Variants in SUFU observed in about 807,000 individuals in gnomAD.
SUFU encodes suppressor of fused homolog.
SUFU carries 7 observed loss-of-function variants against 58.9 expected under a neutral mutation model. The ratio of observed to expected loss-of-function variants is 0.12; its 90% confidence interval spans 0.07 to 0.22. The LOEUF is 0.22. SUFU is among the 10% of genes least tolerant of loss of function. The pLI is 1.00. For missense variants in SUFU, 451 were observed against 641.3 expected, an observed-to-expected ratio of 0.70 and a Z score of 3.20; for synonymous variants, 232 against 254.8, an observed-to-expected ratio of 0.91 and a Z score of 0.85.
At chr10:102,556,218 G>C (rs2062975308) in intron 3 of SUFU, among the ~76,000 whole-genome samples, 1 of 148,830 alleles carries the variant, frequency 6.7e-6, no homozygotes, top group Non-Finnish European at 1.5e-5. Context: ...GTATGAGGCA[G>C]CCTTGGAAGC....
intron 10 of SUFU, among the ~76,000 whole-genome samples, chr10:102,620,890 G>T (rs1015643886): frequency 6.6e-6 from 1 of 152,162 alleles, no homozygotes; most frequent in East Asian, 1.9e-4. Context: ...GTCACATAGG[G>T]GTCACATCAC....
intron 3 of SUFU, among the ~76,000 whole-genome samples, chr10:102,578,336 G>A (rs2063236239): frequency 6.6e-6 from 1 of 151,918 alleles, no homozygotes; most frequent in Admixed American, 6.5e-5. Flanking sequence ...CCAGAACTTT[G>A]GGAGGCCGAG....
chr10:102,557,952 G>A (rs1013879326), intron 3 of SUFU, among the ~76,000 whole-genome samples: 3 of 151,562 alleles, frequency 2.0e-5, no homozygotes, highest in African/African-American at 7.3e-5. Context: ...CCAAGCTGGA[G>A]TGCAGTGACA....
intron 3 of SUFU, among the ~76,000 whole-genome samples, chr10:102,576,543 A>C (rs2063213948): frequency 6.6e-6 from 1 of 152,196 alleles, no homozygotes; most frequent in South Asian, 2.1e-4. Flanking sequence ...ACAAAGATGC[A>C]GTGACCATCC....
intron 6 of SUFU, among the ~76,000 whole-genome samples, chr10:102,596,089 G>A (rs1359266443): frequency 6.6e-6 from 1 of 152,148 alleles, no homozygotes; most frequent in East Asian, 1.9e-4. Context: ...CTTTGCCCAG[G>A]CCAGCATTAG....
chr10:102,533,534 A>C (rs192703627), intron 2 of SUFU, among the ~76,000 whole-genome samples: 2 of 152,162 alleles, frequency 1.3e-5, no homozygotes, highest in Admixed American at 1.3e-4. Context: ...TGATCATGCC[A>C]CTGCACTGCA....
chr10:102,564,643 G>T (rs1448022209), intron 3 of SUFU, among the ~76,000 whole-genome samples: 1 of 152,112 alleles, frequency 6.6e-6, no homozygotes, highest in Admixed American at 6.6e-5. Flanking sequence ...TCAAGCTCTC[G>T]TTTCCTGGTT....
intron 2 of SUFU, among the ~76,000 whole-genome samples, chr10:102,545,373 G>T (rs926044719): frequency 1.3e-5 from 2 of 150,178 alleles, no homozygotes; most frequent in South Asian, 2.1e-4. Flanking sequence ...GGCTCAAGTG[G>T]TCCATCCACC....
At position 102,619,589 on chromosome 10, in the gene SUFU, T is replaced by C. The variant is rs2135940428; in HGVS notation, c.1296+2161T>C. 1 of 831,172 alleles carries C rather than the reference T, an allele frequency of 1.2e-6. No homozygotes were observed. The highest frequency in any genetic ancestry group is 1.5e-6 in the Non-Finnish European group (1 of 672,352). 51.5% of individuals were successfully genotyped at this position (831,172 alleles called of 1,614,324 possible). On this transcript the variant is annotated intron_variant, in intron 10 of 11. Coordinates refer to ENST00000369902, the MANE Select transcript of SUFU (RefSeq NM_016169.4). The surrounding 1 kb of genome is among the most constrained non-coding windows in gnomAD (Gnocchi z 4.2). Reference sequence around the variant, plus strand: ...CCACCCTTGATCACCGAGGGGTTTCTCAGGCCCTTTCCAAGGAGCCCTGGG... The same window carrying C: ...CCACCCTTGATCACCGAGGGGTTTCCCAGGCCCTTTCCAAGGAGCCCTGGG...
chr10:102,573,869 G>A lies in SUFU; in HGVS notation c.455-18713G>A, dbSNP rs529741763. 1.6e-4 allele frequency among the ~76,000 whole-genome samples: 24 copies of A among 152,200 alleles called. 1 individual carries two copies. The highest frequency in any genetic ancestry group is 1.5e-3 in the Admixed American group (23 of 15,288). ...TTACTGTTTACTGTATAGAGTTTCA[G>A]TTGGGGAAGATGAAAAAAAGTCCTG... On this transcript the variant is annotated intron_variant, in intron 3 of 11. Transcript: ENST00000369902.
chr10:102,541,070 T>C (rs996713996), intron 2 of SUFU, among the ~76,000 whole-genome samples: 1 of 151,950 alleles, frequency 6.6e-6, no homozygotes, highest in Non-Finnish European at 1.5e-5. Context: ...CCTTTCAGTG[T>C]GGTTATATGG....
At chr10:102,511,463 C>T (rs924908423) in intron 2 of SUFU, among the ~76,000 whole-genome samples, 1 of 151,888 alleles carries the variant, frequency 6.6e-6, no homozygotes, top group South Asian at 2.1e-4. Flanking sequence ...CTTTGCATAG[C>T]GACCAATTCT....
intron 3 of SUFU, among the ~76,000 whole-genome samples, chr10:102,563,124 C>T (rs939964144): frequency 2.6e-5 from 4 of 152,016 alleles, no homozygotes; most frequent in East Asian, 3.9e-4. Context: ...GCCTCTCAGC[C>T]GCCAAGGGTC....
chr10:102,532,207 G>T (rs1589998468), intron 2 of SUFU, among the ~76,000 whole-genome samples: 2 of 152,122 alleles, frequency 1.3e-5, no homozygotes, highest in South Asian at 4.1e-4. Flanking sequence ...ACCCTCTAGT[G>T]ATTCTCCCAT....
intron 2 of SUFU, among the ~76,000 whole-genome samples, chr10:102,545,051 T>C (rs1047049607): frequency 6.6e-6 from 1 of 152,194 alleles, no homozygotes; most frequent in African/African-American, 2.4e-5. Flanking sequence ...ACTTTTTGGC[T>C]ACTATGAATA....
At chr10:102,538,957 G>T (rs771218536) in intron 2 of SUFU, among the ~76,000 whole-genome samples, 12 of 152,186 alleles carry the variant, frequency 7.9e-5, no homozygotes, top group Non-Finnish European at 1.5e-4. Context: ...TGACATTTTG[G>T]TGGCTCTTGA....
chr10:102,531,583 C>T (rs2062678362), intron 2 of SUFU, among the ~76,000 whole-genome samples: 1 of 152,108 alleles, frequency 6.6e-6, no homozygotes, highest in African/African-American at 2.4e-5. Flanking sequence ...TGCAATACAG[C>T]AAGGAGAGTC....
chr10:102,531,055 T>C (rs1034521326), intron 2 of SUFU, among the ~76,000 whole-genome samples: 2 of 122,068 alleles, frequency 1.6e-5, no homozygotes, highest in Non-Finnish European at 1.6e-5. Flanking sequence ...CCAGGCAACA[T>C]AGCAATACCC....
chr10:102,580,322 G>A (rs1029014103), intron 3 of SUFU, among the ~76,000 whole-genome samples: 1 of 152,120 alleles, frequency 6.6e-6, no homozygotes, highest in Non-Finnish European at 1.5e-5. Flanking sequence ...GGGGAATTAC[G>A]CAGGATGTGT....
Sources: gnomAD v4.1 joint callset for allele counts (sites outside exome capture counted in the v4.1 genomes callset) on GRCh38, gnomAD v4.1.1 for gene constraint, Gnocchi (gnomAD v3.1) non-coding constraint, MANE v1.5 for transcripts, NCBI Gene and HGNC (gene_info 2026-07-23, HGNC 2026-07-21) for gene names.